Variants in MAN1C1 observed in about 807,000 individuals in gnomAD.
MAN1C1 encodes the protein mannosyl-oligosaccharide 1,2-alpha-mannosidase IC.
In MAN1C1, 49 loss-of-function variants were observed where a neutral mutation model predicts 71.5. The ratio of observed to expected loss-of-function variants is 0.69; its 90% CI spans 0.54 to 0.87. The LOEUF (loss-of-function observed/expected upper bound fraction) is 0.87. Ranked by LOEUF, MAN1C1 falls within the 40% of genes least tolerant of loss-of-function variation. The pLI, the probability that MAN1C1 is intolerant of heterozygous loss-of-function variation, is 0.00. For synonymous variants in MAN1C1, 352 were observed against 343.7 expected, an observed-to-expected ratio of 1.02 and a Z score of -0.27; for missense variants, 743 against 835.0, an observed-to-expected ratio of 0.89 and a Z score of 1.36.
chr1:25,762,466 A>C (rs1309305095), intron 6 of MAN1C1, among the ~76,000 whole-genome samples: 7 of 144,730 alleles, frequency 4.8e-5, no homozygotes, highest in Non-Finnish European at 7.5e-5. Context: ...TTTGAGACAG[A>C]GTCCAGGCTG....
chr1:25,780,916 C>A (rs1213665417), intron 9 of MAN1C1, 24 bp from the exon 10 acceptor site: 2 of 1,610,332 alleles, frequency 1.2e-6, no homozygotes, highest in South Asian at 2.2e-5. Context: ...CTGACCTGGG[C>A]CCTCTGCTTG....
At chr1:25,717,476 T>TC (rs1417511528) in intron 2 of MAN1C1, among the ~76,000 whole-genome samples, 1 of 152,124 alleles carries the variant, frequency 6.6e-6, no homozygotes, top group East Asian at 1.9e-4. Flanking sequence ...TGATCTGTGA[T>TC]CATACTACTG....
chr1:25,679,284 G>A (rs1199051049), intron 1 of MAN1C1, among the ~76,000 whole-genome samples: 1 of 152,126 alleles, frequency 6.6e-6, no homozygotes, highest in Non-Finnish European at 1.5e-5. Flanking sequence ...CTTTGAGCAT[G>A]CTAATATAAT....
intron 4 of MAN1C1, among the ~76,000 whole-genome samples, chr1:25,750,380 C>T (rs1186678974): frequency 6.6e-6 from 1 of 152,138 alleles, no homozygotes; most frequent in Non-Finnish European, 1.5e-5. Context: ...GTTCTGTTCC[C>T]CATTACTCAG....
intron 5 of MAN1C1, among the ~76,000 whole-genome samples, chr1:25,755,535 C>T (rs183785230): frequency 3.9e-5 from 6 of 152,324 alleles, no homozygotes; most frequent in Middle Eastern, 3.4e-3. Flanking sequence ...CAATTGCAAA[C>T]GTCTGGTGAG....
intron 2 of MAN1C1, among the ~76,000 whole-genome samples, chr1:25,719,946 G>A (rs757429280): frequency 6.6e-6 from 1 of 151,834 alleles, no homozygotes; most frequent in Admixed American, 6.6e-5. Flanking sequence ...ACCATACCTG[G>A]CTAATTTTTG....
At chr1:25,623,459 G>GGT (rs2045247583) in intron 1 of MAN1C1, among the ~76,000 whole-genome samples, 3 of 151,902 alleles carry the variant, frequency 2.0e-5, no homozygotes, top group Admixed American at 2.0e-4. Flanking sequence ...GGTGGTGGGG[G>GGT]GGGGTAAGAA....
intron 1 of MAN1C1, among the ~76,000 whole-genome samples, chr1:25,668,564 T>C (rs1010813918): frequency 6.6e-6 from 1 of 151,578 alleles, no homozygotes; most frequent in African/African-American, 2.4e-5. Flanking sequence ...TCTTTCTTTT[T>C]TTTTTTTTTG....
chr1:25,670,160 T>A (rs2045974722), intron 1 of MAN1C1, among the ~76,000 whole-genome samples: 1 of 152,228 alleles, frequency 6.6e-6, no homozygotes, highest in Non-Finnish European at 1.5e-5. Flanking sequence ...CCAAAGGCTC[T>A]GAAACCCATC....
At chr1:25,765,507 G>A (rs1030906369) in intron 7 of MAN1C1, among the ~76,000 whole-genome samples, 10 of 152,166 alleles carry the variant, frequency 6.6e-5, no homozygotes, top group African/African-American at 2.4e-4. Flanking sequence ...GGGCAAAGTG[G>A]GTATGAGTCT....
chr1:25,652,283 G>A (rs2045703372), intron 1 of MAN1C1, among the ~76,000 whole-genome samples: 1 of 152,238 alleles, frequency 6.6e-6, no homozygotes, highest in Non-Finnish European at 1.5e-5. Flanking sequence ...GTGCAGGACA[G>A]CTGCTGCCTT....
intron 1 of MAN1C1, among the ~76,000 whole-genome samples, chr1:25,667,836 A>G (rs1054003869): frequency 6.6e-5 from 10 of 152,202 alleles, no homozygotes; most frequent in African/African-American, 2.2e-4. Context: ...GCCACCACAC[A>G]TCACCCATCA....
chr1:25,669,673 G>A (rs1406511131), intron 1 of MAN1C1, among the ~76,000 whole-genome samples: 1 of 152,154 alleles, frequency 6.6e-6, no homozygotes, highest in Admixed American at 6.5e-5. Flanking sequence ...CCAGCTACTA[G>A]GGAGGCTGAG....
intron 1 of MAN1C1, among the ~76,000 whole-genome samples, chr1:25,683,037 C>CAAA (rs1181300274): frequency 1.0e-5 from 1 of 98,186 alleles, no homozygotes. Flanking sequence ...GACTCCATCT[C>CAAA]AAAAAAAAAA....
intron 1 of MAN1C1, among the ~76,000 whole-genome samples, chr1:25,639,135 T>C (rs1177109622): frequency 6.6e-6 from 1 of 152,178 alleles, no homozygotes; most frequent in Admixed American, 6.5e-5. Context: ...CAATATGTTG[T>C]AAGCTCACCC....
At chr1:25,767,960 CCA>C (rs1293486087) in intron 7 of MAN1C1, among the ~76,000 whole-genome samples, 1 of 108,140 alleles carries the variant, frequency 9.2e-6, no homozygotes, top group Non-Finnish European at 1.8e-5. Context: ...TCACATACAT[CCA>C]CACTCCCCTC....
At chr1:25,666,169 C>A (rs1412690737) in intron 1 of MAN1C1, among the ~76,000 whole-genome samples, 1 of 152,150 alleles carries the variant, frequency 6.6e-6, no homozygotes, top group African/African-American at 2.4e-5. Flanking sequence ...GGAATTATGC[C>A]TCTGATTTCT....
chr1:25,753,388 C>T lies in MAN1C1; in HGVS notation c.835-96C>T. The T allele has an allele frequency of 2.4e-6, 2 of 845,348 alleles. No individual in the cohort carries two copies. Among genetic ancestry groups the T allele is most frequent in the Non-Finnish European group, 3.7e-6 (2 of 547,712 alleles). 52.4% of individuals were successfully genotyped at this position (845,348 alleles called of 1,614,324 possible). On this transcript the variant is annotated intron_variant, in intron 4 of 11. Transcript: ENST00000374332. The surrounding 1 kb of genome is among the most constrained non-coding windows in gnomAD (Gnocchi z 4.9). ...AGCACTGCCCCCTACTCTAGACCTG[C>T]AGCCCTGGGGGGTTCATCCTGCCTG...
chr1:25,701,188 G>C (rs2046437448), intron 2 of MAN1C1, among the ~76,000 whole-genome samples: 1 of 152,212 alleles, frequency 6.6e-6, no homozygotes, highest in Admixed American at 6.5e-5. Context: ...CCCTGCCCTT[G>C]GTCCTTGGCT....
Sources: gnomAD v4.1 joint callset for allele counts (sites outside exome capture counted in the v4.1 genomes callset) on GRCh38, gnomAD v4.1.1 for gene constraint, Gnocchi (gnomAD v3.1) non-coding constraint, MANE v1.5 for transcripts, NCBI Gene and HGNC (gene_info 2026-07-23, HGNC 2026-07-21) for gene names.